Variants in CRADD observed in about 807,000 individuals in gnomAD.
The protein encoded by CRADD is death domain-containing protein CRADD.
Under a neutral mutation model 15.5 loss-of-function variants are expected in CRADD, and 9 were observed. That is an observed-to-expected ratio of 0.58 (90% CI 0.35 to 1.01). The LOEUF is 1.01. Among genes scored for constraint, CRADD ranks in the 50% least tolerant of loss-of-function variants. The probability of loss-of-function intolerance (pLI) is 0.02; values close to 1 mark genes in which losing one functional copy is unlikely to be tolerated. For missense variants in CRADD, 227 were observed against 250.3 expected (o/e 0.91, Z 0.63); for synonymous variants, 118 against 107.6 (o/e 1.10, Z -0.60).
chr12:93,893,954 C>A, intron 2 of CRADD: 1 of 691,962 alleles, frequency 1.4e-6, no homozygotes, highest in Non-Finnish European at 2.6e-6. Context: ...CGTTGTTTGA[C>A]CTAGAGCTTA....
chr12:93,889,729 G>A (rs1045973163), intron 2 of CRADD, among the ~76,000 whole-genome samples: 7 of 152,266 alleles, frequency 4.6e-5, no homozygotes, highest in Non-Finnish European at 8.8e-5. Context: ...AGATAGCCCC[G>A]GAAGTGATGC....
chr12:93,733,443 G>C lies in CRADD; in HGVS notation c.298+54371G>C, dbSNP rs143363833. ...GTATGAGGAAGAAGAAGCAGGAAAAGGCAGTGTTTCATTTCTCACAATCGC... is the reference window on the plus strand; with the variant it reads ...GTATGAGGAAGAAGAAGCAGGAAAACGCAGTGTTTCATTTCTCACAATCGC... On this transcript the variant is annotated intron_variant, in intron 2 of 2. Transcript: ENST00000332896. The C allele has an allele frequency of 4.6e-5, 7 of 152,438 alleles. No individual in the cohort carries two copies. In the East Asian group the frequency reaches 1.2e-3, roughly 25 times the overall value. 9.4% of individuals were successfully genotyped at this position (152,438 alleles called of 1,614,324 possible). A position where few individuals can be genotyped will look rare whatever the true frequency, so the allele number is the denominator to read the frequency against.
intron 2 of CRADD, among the ~76,000 whole-genome samples, chr12:93,741,043 G>C (rs1248918206): frequency 2.0e-5 from 3 of 152,182 alleles, no homozygotes; most frequent in Non-Finnish European, 2.9e-5. Flanking sequence ...TATTAAGTTA[G>C]AAAGCACCAA....
At chr12:93,845,880 A>G (rs1207513377) in intron 2 of CRADD, among the ~76,000 whole-genome samples, 1 of 152,184 alleles carries the variant, frequency 6.6e-6, no homozygotes, top group Non-Finnish European at 1.5e-5. Flanking sequence ...TTTATAACCA[A>G]TCTCCAAAAG....
At chr12:93,750,751 T>G (rs931826457) in intron 2 of CRADD, among the ~76,000 whole-genome samples, 19 of 152,362 alleles carry the variant, frequency 1.2e-4, no homozygotes, top group Middle Eastern at 3.4e-3. Context: ...TTGACATTCA[T>G]ATTCAGTAAA....
chr12:93,755,172 T>C (rs1213751659), intron 2 of CRADD, among the ~76,000 whole-genome samples: 1 of 152,140 alleles, frequency 6.6e-6, no homozygotes, highest in Non-Finnish European at 1.5e-5. Context: ...AACCCTTCCC[T>C]ATGATTTCAT....
At chr12:93,792,200 A>G (rs1038402112) in intron 2 of CRADD, among the ~76,000 whole-genome samples, 2 of 152,306 alleles carry the variant, frequency 1.3e-5, no homozygotes, top group African/African-American at 2.4e-5. Context: ...CTGGCCTGCT[A>G]AGTATTACAG....
intron 2 of CRADD, among the ~76,000 whole-genome samples, chr12:93,879,765 C>G (rs1273216853): frequency 6.6e-6 from 1 of 152,148 alleles, no homozygotes; most frequent in Non-Finnish European, 1.5e-5. Context: ...GCGACTGATC[C>G]TTTACTCAGA....
At chr12:93,866,564 C>G (rs74951022) in intron 2 of CRADD, among the ~76,000 whole-genome samples, 2,748 of 152,116 alleles carry the variant, frequency 0.018, 85 homozygotes, top group African/African-American at 0.062. Context: ...TGTTTTTAGT[C>G]TCTGCCTTTC....
intron 2 of CRADD, among the ~76,000 whole-genome samples, chr12:93,843,017 A>G (rs12322889): frequency 0.44 from 67,599 of 152,030 alleles, 15,326 homozygotes; most frequent in East Asian, 0.68. Context: ...AGGGCCGTCT[A>G]AAAGGAGTTA....
At chr12:93,835,895 T>C (rs1332808861) in intron 2 of CRADD, among the ~76,000 whole-genome samples, 1 of 152,202 alleles carries the variant, frequency 6.6e-6, no homozygotes, top group Non-Finnish European at 1.5e-5. Context: ...TGATTTCTCC[T>C]TGACACCCTT....
At chr12:93,709,677 A>G (rs1016109691) in intron 2 of CRADD, among the ~76,000 whole-genome samples, 2 of 152,150 alleles carry the variant, frequency 1.3e-5, no homozygotes, top group African/African-American at 4.8e-5. Flanking sequence ...TGGGCGTTTA[A>G]GTTGATTCCA....
chr12:93,825,739 G>A (rs373529590), intron 2 of CRADD, among the ~76,000 whole-genome samples: 7 of 152,060 alleles, frequency 4.6e-5, no homozygotes, highest in Admixed American at 3.3e-4. Flanking sequence ...ACCTCTTTCC[G>A]GCAAAAGGTG....
At position 93,756,348 on chromosome 12, in the gene CRADD, G is replaced by A. The variant is rs1056186449; in HGVS notation, c.298+77276G>A. Among the ~76,000 whole-genome samples the A allele has an allele frequency of 2.6e-5, 4 of 152,196 alleles. 1 individual carries two copies. Among genetic ancestry groups the A allele is most frequent in the African/African-American group, 9.6e-5 (4 of 41,452 alleles). ...GTTCAGCGATATTAAGATTAGTTAAGCCATGATCCAGTGAATATGTCCATT... is the reference window on the plus strand; with the variant it reads ...GTTCAGCGATATTAAGATTAGTTAAACCATGATCCAGTGAATATGTCCATT... On this transcript the variant is annotated intron_variant, in intron 2 of 2. Coordinates refer to ENST00000332896, the MANE Select transcript of CRADD (RefSeq NM_003805.5).
In CRADD at chr12:93,796,746, C is replaced by T. The variant is rs574020547; in HGVS notation, c.299-53224C>T. Among the ~76,000 whole-genome samples, 4 of 152,176 alleles carry T rather than the reference C, an allele frequency of 2.6e-5. No homozygotes were observed. In the East Asian group the frequency reaches 7.7e-4, roughly 29 times the overall value. On this transcript the variant is annotated intron_variant, in intron 2 of 2. Coordinates refer to ENST00000332896, the MANE Select transcript of CRADD (RefSeq NM_003805.5). ...TTCTTATGAGTTTTTACCTGAAACC[C>T]CTATTTTCTAAGACCCCATGGTTAA...
chr12:93,741,153 G>A (rs915733664), intron 2 of CRADD, among the ~76,000 whole-genome samples: 6 of 152,208 alleles, frequency 3.9e-5, no homozygotes, highest in African/African-American at 1.4e-4. Flanking sequence ...ATTTAGGGCT[G>A]CTAACTCCCG....
intron 2 of CRADD, among the ~76,000 whole-genome samples, chr12:93,871,312 CA>C (rs891497522): frequency 2.0e-4 from 31 of 152,132 alleles, no homozygotes; most frequent in African/African-American, 7.0e-4. Flanking sequence ...TAAATGGAAA[CA>C]TTTTTTTAAA....
At chr12:93,869,771 G>A (rs1327547878) in intron 2 of CRADD, among the ~76,000 whole-genome samples, 1 of 152,102 alleles carries the variant, frequency 6.6e-6, no homozygotes, top group Non-Finnish European at 1.5e-5. Context: ...AAGAATATTT[G>A]AAAAGAAATT....
intron 2 of CRADD, among the ~76,000 whole-genome samples, chr12:93,806,521 C>A (rs975166212): frequency 3.4e-5 from 5 of 146,482 alleles, no homozygotes; most frequent in African/African-American, 1.0e-4. Flanking sequence ...AGTCTTTGTT[C>A]TTCTGGTGGC....
Sources: allele counts gnomAD v4.1 joint callset (sites outside exome capture counted in the v4.1 genomes callset), GRCh38; gene constraint gnomAD v4.1.1; transcripts MANE v1.5; gene names NCBI Gene and HGNC (gene_info 2026-07-23, HGNC 2026-07-21).